The following AGBL1 variants were observed in gnomAD, a reference collection of about 807,000 sequenced individuals.
AGBL1 encodes AGBL carboxypeptidase 1, also known as cytosolic carboxypeptidase 4.
AGBL1 carries 130 observed loss-of-function variants against 118.9 expected under a neutral mutation model. That is an observed-to-expected ratio of 1.09 (90% CI 0.95 to 1.26). The LOEUF is 1.26. AGBL1 is among the 50% of genes most tolerant of loss of function. The pLI, the probability that AGBL1 is intolerant of heterozygous loss-of-function variation, is 0.00. For synonymous variants in AGBL1, 555 were observed against 478.9 expected, an observed-to-expected ratio of 1.16 and a Z score of -2.08; for missense variants, 1,584 against 1,298.1, an observed-to-expected ratio of 1.22 and a Z score of -3.38.
chr15:86,710,816 A>T (rs1319793122), intron 22 of AGBL1, among the ~76,000 whole-genome samples: 1 of 152,208 alleles, frequency 6.6e-6, no homozygotes, highest in Non-Finnish European at 1.5e-5. Flanking sequence ...GAATGGAGGG[A>T]TAAGCAGACA....
At chr15:86,343,513 G>T (rs2080492942) in intron 17 of AGBL1, among the ~76,000 whole-genome samples, 1 of 152,148 alleles carries the variant, frequency 6.6e-6, no homozygotes, top group Non-Finnish European at 1.5e-5. Flanking sequence ...CCCCAGTCGG[G>T]TTGGAAATTA....
intron 18 of AGBL1, among the ~76,000 whole-genome samples, chr15:86,415,902 A>G (rs1458967279): frequency 6.6e-6 from 1 of 152,192 alleles, no homozygotes; most frequent in African/African-American, 2.4e-5. Flanking sequence ...AACTGGAAAA[A>G]CAAAGAGAAT....
At chr15:86,149,481 G>C (rs1449360704) in intron 3 of AGBL1, among the ~76,000 whole-genome samples, 1 of 152,246 alleles carries the variant, frequency 6.6e-6, no homozygotes, top group Non-Finnish European at 1.5e-5. Context: ...TGCAGTCCTA[G>C]TCTCCAATAA....
intron 22 of AGBL1, among the ~76,000 whole-genome samples, chr15:86,819,710 A>G (rs1467688315): frequency 1.3e-5 from 2 of 152,162 alleles, no homozygotes; most frequent in African/African-American, 4.8e-5. Context: ...GAAAATGGCT[A>G]TACTGCCCAA....
At chr15:86,846,800 G>C (rs959522940) in intron 22 of AGBL1, among the ~76,000 whole-genome samples, 3 of 152,180 alleles carry the variant, frequency 2.0e-5, no homozygotes, top group Non-Finnish European at 2.9e-5. Flanking sequence ...CCAAAGTGCT[G>C]GGATTGCAGG....
rs2080074544 is a variant in AGBL1 at position 86,893,123 on chromosome 15, A to G, written c.3159-13964A>G. Reference sequence around the variant, plus strand: ...TCTTTTCTCGCCTGCAAAAACTGAGATGCAGCCAGAGTTGCGTTTCATTAG... The same window carrying G: ...TCTTTTCTCGCCTGCAAAAACTGAGGTGCAGCCAGAGTTGCGTTTCATTAG... On this transcript the variant is annotated intron_variant, in intron 22 of 22. Transcript: ENST00000614907. Among the ~76,000 whole-genome samples, 3 of 152,134 alleles carry G rather than the reference A, an allele frequency of 2.0e-5. No individual in the cohort carries two copies. In the South Asian group the frequency reaches 6.2e-4, roughly 32 times the overall value.
chr15:86,923,292 G>A (rs1460944164), intron 23 of AGBL1, among the ~76,000 whole-genome samples: 3 of 152,170 alleles, frequency 2.0e-5, no homozygotes. Flanking sequence ...GTATCAGCTT[G>A]ACATTCAAAA....
chr15:86,257,053 A>G, intron 8 of AGBL1, 35 bp downstream of exon 8: 1 of 1,588,438 alleles, frequency 6.3e-7, no homozygotes, highest in Middle Eastern at 1.7e-4. Flanking sequence ...CTTTAAGATG[A>G]GTTTTTGCAT....
intron 22 of AGBL1, among the ~76,000 whole-genome samples, chr15:86,854,867 A>T (rs1044611632): frequency 4.6e-5 from 7 of 152,180 alleles, no homozygotes; most frequent in Admixed American, 1.3e-4. Flanking sequence ...CATGAAAAAC[A>T]TTACATAGTT....
At chr15:86,946,939 T>G (rs1393448842) in intron 23 of AGBL1, among the ~76,000 whole-genome samples, 2 of 151,590 alleles carry the variant, frequency 1.3e-5, no homozygotes, top group Non-Finnish European at 2.9e-5. Context: ...CCTTCGCATG[T>G]CCCCTGCCCA....
intron 1 of AGBL1, among the ~76,000 whole-genome samples, chr15:86,120,800 T>C (rs1898049344): frequency 6.6e-6 from 1 of 152,224 alleles, no homozygotes; most frequent in African/African-American, 2.4e-5. Context: ...AATGTGTTTC[T>C]GGTTTCTGCC....
At chr15:86,102,717 CTT>C (rs1247600061) in intron 1 of AGBL1, among the ~76,000 whole-genome samples, 2 of 152,112 alleles carry the variant, frequency 1.3e-5, no homozygotes, top group Non-Finnish European at 2.9e-5. Context: ...TTAGAATTCT[CTT>C]TTTGTTTTTG....
chr15:86,659,157 T>G (rs2142511772), intron 21 of AGBL1, among the ~76,000 whole-genome samples: 1 of 152,310 alleles, frequency 6.6e-6, no homozygotes, highest in South Asian at 2.1e-4. Context: ...ATTCTTGATC[T>G]TTTTTCCAGA....
At chr15:86,402,462 T>C (rs1453855520) in intron 18 of AGBL1, among the ~76,000 whole-genome samples, 1 of 152,146 alleles carries the variant, frequency 6.6e-6, no homozygotes, top group Non-Finnish European at 1.5e-5. Flanking sequence ...GTCTGATTGC[T>C]GTGGCTAGGA....
intron 1 of AGBL1, among the ~76,000 whole-genome samples, chr15:86,114,403 G>T (rs1343291830): frequency 1.1e-4 from 17 of 152,158 alleles, no homozygotes. Flanking sequence ...TGGTCTGCTT[G>T]TGTGTGCCTG....
chr15:86,335,957 C>A (rs979927783), intron 17 of AGBL1, among the ~76,000 whole-genome samples: 2 of 152,246 alleles, frequency 1.3e-5, no homozygotes, highest in East Asian at 1.9e-4. Context: ...CATCAGCAAT[C>A]AGCCCCTCTC....
intron 18 of AGBL1, among the ~76,000 whole-genome samples, chr15:86,399,576 A>G (rs1238089367): frequency 6.6e-6 from 1 of 152,138 alleles, no homozygotes; most frequent in Non-Finnish European, 1.5e-5. Flanking sequence ...CCTGTTGACC[A>G]TTCTGGAAAA....
chr15:86,190,098 A>T (rs542329063), intron 5 of AGBL1, among the ~76,000 whole-genome samples: 1 of 152,336 alleles, frequency 6.6e-6, no homozygotes, highest in East Asian at 1.9e-4. Context: ...CTTGTTTTTC[A>T]TTGCATAGTG....
intron 1 of AGBL1, among the ~76,000 whole-genome samples, chr15:86,092,072 C>G (rs1896066671): frequency 6.6e-6 from 1 of 152,118 alleles, no homozygotes; most frequent in African/African-American, 2.4e-5. Flanking sequence ...TTCATCTATT[C>G]AACAAACCCT....
Sources: allele counts gnomAD v4.1 joint callset (sites outside exome capture counted in the v4.1 genomes callset), GRCh38; gene constraint gnomAD v4.1.1; transcripts MANE v1.5; gene names NCBI Gene and HGNC (gene_info 2026-07-23, HGNC 2026-07-21).